Variants in LEPR observed in about 807,000 individuals in gnomAD.
The protein encoded by LEPR is OB receptor.
A neutral mutation model predicts 114.7 loss-of-function variants in LEPR; 56 were observed. The ratio of observed to expected loss-of-function variants is 0.49; its 90% CI spans 0.39 to 0.61. The LOEUF is 0.61. LEPR is among the 20% of genes least tolerant of loss of function. The pLI is 0.00. For synonymous variants in LEPR, 443 were observed against 461.4 expected (o/e 0.96, Z 0.51); for missense variants, 1,202 against 1,352.9 (o/e 0.89, Z 1.75).
At chr1:65,551,172 A>G (rs1309330998) in intron 2 of LEPR, among the ~76,000 whole-genome samples, 1 of 151,812 alleles carries the variant, frequency 6.6e-6, no homozygotes, top group Non-Finnish European at 1.5e-5. Flanking sequence ...TTGGCCTGAA[A>G]TTTTCTTTTT....
intron 2 of LEPR, among the ~76,000 whole-genome samples, chr1:65,475,583 A>G (rs1647148737): frequency 6.6e-6 from 1 of 151,934 alleles, no homozygotes; most frequent in South Asian, 2.1e-4. Context: ...GACTACTTTA[A>G]AACATTCTAA....
At chr1:65,596,180 A>G (rs148879677) in intron 6 of LEPR, among the ~76,000 whole-genome samples, 103 of 152,276 alleles carry the variant, frequency 6.8e-4, no homozygotes, top group African/African-American at 2.4e-3. Context: ...GGGAAATCAC[A>G]TTTAGCAAAA....
At chr1:65,586,862 A>G (rs1017314080) in intron 5 of LEPR, among the ~76,000 whole-genome samples, 2 of 152,106 alleles carry the variant, frequency 1.3e-5, no homozygotes, top group African/African-American at 4.8e-5. Flanking sequence ...TATAATGTAG[A>G]TACTATATAG....
chr1:65,479,383 A>G (rs1340757616), intron 2 of LEPR, among the ~76,000 whole-genome samples: 1 of 152,176 alleles, frequency 6.6e-6, no homozygotes, highest in East Asian at 1.9e-4. Flanking sequence ...ATGCCTTATA[A>G]TAGCCCATAG....
chr1:65,430,199 T>G, intron 2 of LEPR: 1 of 577,350 alleles, frequency 1.7e-6, no homozygotes, highest in Non-Finnish European at 2.8e-6. Flanking sequence ...TAGACCTGCC[T>G]AACAGTAGTT....
At chr1:65,533,322 A>T (rs978227291) in intron 2 of LEPR, among the ~76,000 whole-genome samples, 1 of 152,134 alleles carries the variant, frequency 6.6e-6, no homozygotes, top group African/African-American at 2.4e-5. Context: ...TTAAATTCCT[A>T]ACAATTTTTT....
chr1:65,632,475 T>A (rs1489842262), intron 19 of LEPR, among the ~76,000 whole-genome samples: 1 of 152,138 alleles, frequency 6.6e-6, no homozygotes, highest in East Asian at 1.9e-4. Flanking sequence ...AAAGAACATG[T>A]TCTTCTGCCT....
At chr1:65,464,942 C>T (rs564363123) in intron 2 of LEPR, among the ~76,000 whole-genome samples, 8 of 152,116 alleles carry the variant, frequency 5.3e-5, no homozygotes, top group South Asian at 4.2e-4. Flanking sequence ...GTCTTGCTAG[C>T]GGTCTATTTT....
chr1:65,532,618 AG>A (rs1362907418), intron 2 of LEPR, among the ~76,000 whole-genome samples: 7 of 152,220 alleles, frequency 4.6e-5, no homozygotes, highest in Non-Finnish European at 1.5e-5. Context: ...AAACAAACTG[AG>A]GTATATCCAT....
At chr1:65,497,216 G>A (rs1648209137) in intron 2 of LEPR, among the ~76,000 whole-genome samples, 1 of 152,114 alleles carries the variant, frequency 6.6e-6, no homozygotes, top group Non-Finnish European at 1.5e-5. Context: ...AATGAACAGG[G>A]TAATTTTTAT....
chr1:65,438,372 A>G lies in LEPR; in HGVS notation c.-21+12994A>G, dbSNP rs543006480. Among the ~76,000 whole-genome samples the G allele has an allele frequency of 1.3e-4, 20 of 151,806 alleles. No homozygotes were observed. The East Asian group carries it at 3.7e-3, about 28-fold the overall frequency. On this transcript the variant is annotated intron_variant, in intron 2 of 19. Transcript: ENST00000349533. Reference sequence around the variant, plus strand: ...CAAGACCATCCTGACCAACATGGTGAAACCCCGTCTCTACTAAAAATACAA... The same window carrying G: ...CAAGACCATCCTGACCAACATGGTGGAACCCCGTCTCTACTAAAAATACAA...
intron 10 of LEPR, 60 bp from the exon 11 acceptor site, chr1:65,604,978 G>C: frequency 6.3e-7 from 1 of 1,591,190 alleles, no homozygotes; most frequent in Non-Finnish European, 8.5e-7. Flanking sequence ...AGAATTCTCA[G>C]ATATCTTCTT....
chr1:65,537,024 C>T (rs1650826095), intron 2 of LEPR, among the ~76,000 whole-genome samples: 1 of 152,126 alleles, frequency 6.6e-6, no homozygotes, highest in Admixed American at 6.5e-5. Flanking sequence ...CAATCAATAA[C>T]AACCAGATCA....
chr1:65,423,737 C>G (rs371946586), intron 1 of LEPR, among the ~76,000 whole-genome samples: 9 of 152,256 alleles, frequency 5.9e-5, no homozygotes, highest in African/African-American at 1.2e-4. Flanking sequence ...TAAATCTTCT[C>G]TCAAGTAAAA....
chr1:65,497,148 A>G (rs187247837), intron 2 of LEPR, among the ~76,000 whole-genome samples: 1 of 152,276 alleles, frequency 6.6e-6, no homozygotes, highest in Admixed American at 6.5e-5. Flanking sequence ...TTTTTAGAAA[A>G]AATTATCCCT....
intron 1 of LEPR, among the ~76,000 whole-genome samples, chr1:65,424,049 C>T (rs1242153091): frequency 6.6e-6 from 1 of 152,172 alleles, no homozygotes; most frequent in Non-Finnish European, 1.5e-5. Context: ...AGCTTCTACC[C>T]AAAGTCATAA....
At chr1:65,475,849 G>C (rs7529650) in intron 2 of LEPR, among the ~76,000 whole-genome samples, 1 of 151,342 alleles carries the variant, frequency 6.6e-6, no homozygotes, top group East Asian at 1.9e-4. Flanking sequence ...AACCCCATCT[G>C]TACAAAAATA....
chr1:65,517,867 C>T (rs762078536), intron 2 of LEPR, among the ~76,000 whole-genome samples: 5 of 152,214 alleles, frequency 3.3e-5, no homozygotes, highest in Non-Finnish European at 5.9e-5. Context: ...TTGGTTTAAA[C>T]CTGGCTCCCT....
At chr1:65,636,121 C>T in intron 19 of LEPR, 70 bp from the exon 20 acceptor site, 1 of 1,537,608 alleles carries the variant, frequency 6.5e-7, no homozygotes, top group Non-Finnish European at 9.0e-7. Context: ...ACTTCCATTT[C>T]TGCCAGTATG....
Sources: allele counts gnomAD v4.1 joint callset (sites outside exome capture counted in the v4.1 genomes callset), GRCh38; gene constraint gnomAD v4.1.1; transcripts MANE v1.5; gene names NCBI Gene and HGNC (gene_info 2026-07-23, HGNC 2026-07-21).